Variants in DENND1A observed in about 807,000 individuals in gnomAD.
DENND1A encodes the protein DENN domain-containing protein 1A.
A neutral mutation model predicts 113.7 loss-of-function variants in DENND1A; 51 were observed. The observed-to-expected ratio is 0.45, with a 90% CI of 0.36 to 0.57. The LOEUF is 0.57. Ranked by LOEUF, DENND1A falls within the 20% of genes least tolerant of loss-of-function variation. The pLI is 0.00. For missense variants in DENND1A, 1,258 were observed against 1,395.9 expected (o/e 0.90, Z 1.57); for synonymous variants, 565 against 570.8 (o/e 0.99, Z 0.14).
intron 3 of DENND1A, among the ~76,000 whole-genome samples, chr9:123,770,122 A>G (rs923302914): frequency 1.3e-5 from 2 of 152,234 alleles, no homozygotes; most frequent in African/African-American, 4.8e-5. Flanking sequence ...CTTTACAAAG[A>G]AGTTGCCATT....
intron 13 of DENND1A, among the ~76,000 whole-genome samples, chr9:123,460,494 G>A (rs1399117506): frequency 6.6e-6 from 1 of 152,176 alleles, no homozygotes; most frequent in African/African-American, 2.4e-5. Context: ...TGGCCTGCTG[G>A]CGTCTCAAAC....
intron 13 of DENND1A, among the ~76,000 whole-genome samples, chr9:123,464,498 T>A (rs746570047): frequency 2.0e-5 from 3 of 152,156 alleles, no homozygotes; most frequent in Non-Finnish European, 4.4e-5. Context: ...AGATCAACGC[T>A]GCATGGTTCC....
rs140217301 is a variant in DENND1A, at chr9:123,410,041, G to A, written c.1542+1735C>T. ...CAGGAGGCGGAGCCTGCAGTGAGCT[G>A]AGATTGCACCACTGCACTCCAGCCT... On this transcript the variant is annotated intron_variant, in intron 20 of 23. Coordinates refer to ENST00000394215, the MANE Select transcript of DENND1A (RefSeq NM_001352964.2). 2.8e-4 allele frequency among the ~76,000 whole-genome samples: 43 copies of A among 152,306 alleles called. No individual in the cohort carries two copies. In the East Asian group the frequency reaches 7.3e-3, roughly 26 times the overall value.
intron 2 of DENND1A, among the ~76,000 whole-genome samples, chr9:123,818,555 CACACACACACACAT>C (rs759248954): frequency 0.037 from 5,364 of 144,730 alleles, 174 homozygotes; most frequent in Admixed American, 0.073. Context: ...CACACACACA[CACACACACACACAT>C]ATATATATAT....
At chr9:123,395,159 G>A (rs1479285383) in intron 21 of DENND1A, among the ~76,000 whole-genome samples, 1 of 152,172 alleles carries the variant, frequency 6.6e-6, no homozygotes, top group Non-Finnish European at 1.5e-5. Context: ...CCTTTCAGGG[G>A]TGACTGAAAT....
At chr9:123,769,650 C>T in intron 3 of DENND1A, 87 bp from the exon 4 acceptor site, 1 of 1,173,274 alleles carries the variant, frequency 8.5e-7, no homozygotes, top group East Asian at 2.5e-5. Context: ...GCAACTTTAC[C>T]CTAAAGAAAG....
intron 6 of DENND1A, among the ~76,000 whole-genome samples, chr9:123,676,512 C>A (rs945607537): frequency 6.6e-6 from 1 of 152,006 alleles, no homozygotes; most frequent in African/African-American, 2.4e-5. Context: ...AGAAAACAAC[C>A]CAAAATGCTA....
chr9:123,616,798 A>G (rs531046206), intron 10 of DENND1A, among the ~76,000 whole-genome samples: 37 of 152,242 alleles, frequency 2.4e-4, no homozygotes, highest in Non-Finnish European at 5.0e-4. Context: ...CAGGCCGGTT[A>G]GTCAGTCAGT....
intron 12 of DENND1A, among the ~76,000 whole-genome samples, chr9:123,567,120 C>T (rs1392682798): frequency 5.9e-5 from 9 of 152,070 alleles, no homozygotes; most frequent in Admixed American, 1.3e-4. Context: ...TATATTTATC[C>T]GGGGAGTGTT....
chr9:123,706,234 T>C (rs560595279), intron 5 of DENND1A, among the ~76,000 whole-genome samples: 13 of 147,312 alleles, frequency 8.8e-5, no homozygotes, highest in Non-Finnish European at 1.6e-4. Context: ...CACTGCAACC[T>C]CCACCTCCCT....
Position 123,457,435 on chromosome 9 carries a change from A to G in DENND1A, c.1099T>C (p.Phe367Leu). The G allele has an allele frequency of 6.2e-7, 1 of 1,612,694 alleles. No individual in the cohort carries two copies. The highest frequency in any genetic ancestry group is 8.5e-7 in the Non-Finnish European group (1 of 1,178,698). ...NATQLQLFKQ[F>L]IDGRLDLLNS... is the part of the protein sequence containing the mutation. Reference sequence around the variant, plus strand: ...AGAAGATCTAATCGACCATCAATAAACTATAGAAAGAAGGAACAAAAGCAC... The same window carrying G: ...AGAAGATCTAATCGACCATCAATAAGCTATAGAAAGAAGGAACAAAAGCAC... Residue 367 changes from phenylalanine (F) to leucine (L), a missense_variant and splice_region_variant, in exon 15 of 24, where the codon TTT (phenylalanine) becomes CTT (leucine). Phe to Leu is a conservative substitution (Grantham distance 22). Transcript: ENST00000394215.
intron 23 of DENND1A, among the ~76,000 whole-genome samples, 177 bp from the exon 24 acceptor site, chr9:123,382,802 G>A (rs1363731176): frequency 6.6e-6 from 1 of 152,272 alleles, no homozygotes; most frequent in African/African-American, 2.4e-5. Flanking sequence ...GGACCCACGT[G>A]TGCTGGGACT....
chr9:123,455,765 T>C (rs778395675), intron 15 of DENND1A, among the ~76,000 whole-genome samples: 1 of 152,240 alleles, frequency 6.6e-6, no homozygotes, highest in Non-Finnish European at 1.5e-5. Flanking sequence ...CTTAACCTAC[T>C]GAATAAGTGA....
intron 13 of DENND1A, among the ~76,000 whole-genome samples, chr9:123,513,831 T>A (rs1043504965): frequency 3.9e-5 from 6 of 152,186 alleles, no homozygotes; most frequent in African/African-American, 1.4e-4. Context: ...CTTTTGATCA[T>A]GTCCTGCACT....
chr9:123,668,119 A>C (rs2063580310), intron 7 of DENND1A, among the ~76,000 whole-genome samples: 1 of 152,186 alleles, frequency 6.6e-6, no homozygotes, highest in African/African-American at 2.4e-5. Flanking sequence ...AGGAACGGAA[A>C]GAGCTTGGTG....
At chr9:123,813,811 AAACT>A (rs1219568246) in intron 2 of DENND1A, among the ~76,000 whole-genome samples, 1 of 151,640 alleles carries the variant, frequency 6.6e-6, no homozygotes, top group Non-Finnish European at 1.5e-5. Flanking sequence ...ACTCACAAAC[AAACT>A]TTTTACCTAG....
At chr9:123,787,526 T>C (rs553345323) in intron 3 of DENND1A, among the ~76,000 whole-genome samples, 2 of 152,338 alleles carry the variant, frequency 1.3e-5, no homozygotes, top group South Asian at 4.1e-4. Context: ...CTGATTTACA[T>C]TGGTTATATT....
Position 123,541,947 on chromosome 9 carries a change from A to G in DENND1A, c.993+15623T>C, listed in dbSNP as rs575762808. On this transcript the variant is annotated intron_variant, in intron 13 of 23. Transcript: ENST00000394215. The stretch of plus-strand genomic sequence containing the variant: ...CCTGGAATCTCAACCTTCCTTAGCC[A>G]GTACCAAACTACAGTGCACACACAG... Among the ~76,000 whole-genome samples, 18 of 152,366 alleles carry G rather than the reference A, an allele frequency of 1.2e-4. No homozygotes were observed. In the East Asian group the frequency reaches 3.5e-3, roughly 29 times the overall value.
chr9:123,795,474 C>T (rs1298937010), intron 2 of DENND1A, among the ~76,000 whole-genome samples: 1 of 152,196 alleles, frequency 6.6e-6, no homozygotes, highest in African/African-American at 2.4e-5. Context: ...CTAACAGTTT[C>T]AGCATGGCAC....
Sources: allele counts gnomAD v4.1 joint callset (sites outside exome capture counted in the v4.1 genomes callset), GRCh38; gene constraint gnomAD v4.1.1; transcripts MANE v1.5; gene names NCBI Gene and HGNC (gene_info 2026-07-23, HGNC 2026-07-21).